CBLB: variants seen among roughly 807,000 people sequenced by gnomAD.
CBLB encodes the protein E3 ubiquitin-protein ligase CBL-B.
Under a neutral mutation model 104.9 loss-of-function variants are expected in CBLB, and 31 were observed. The observed-to-expected ratio is 0.30, with a 90% CI of 0.22 to 0.40. The LOEUF (loss-of-function observed/expected upper bound fraction) is 0.40, where lower values mean the gene tolerates loss of function less well. CBLB is among the 10% of genes least tolerant of loss of function. The pLI is 1.00. For missense variants in CBLB, 1,062 were observed against 1,214.6 expected, an observed-to-expected ratio of 0.87 and a Z score of 1.87; for synonymous variants, 440 against 422.6, an observed-to-expected ratio of 1.04 and a Z score of -0.51.
intron 18 of CBLB, among the ~76,000 whole-genome samples, chr3:105,662,580 A>G (rs1489291760): frequency 6.6e-6 from 1 of 152,226 alleles, no homozygotes; most frequent in Non-Finnish European, 1.5e-5. Context: ...TGGGTTACCA[A>G]TTTTCTTAAA....
chr3:105,828,184 G>A (rs1347914061), intron 3 of CBLB, among the ~76,000 whole-genome samples: 1 of 151,934 alleles, frequency 6.6e-6, no homozygotes, highest in East Asian at 1.9e-4. Flanking sequence ...CGGGCATGTG[G>A]CTTCCCTTTA....
At chr3:105,738,857 C>T (rs927311976) in intron 7 of CBLB, among the ~76,000 whole-genome samples, 16 of 152,118 alleles carry the variant, frequency 1.1e-4, no homozygotes, top group African/African-American at 3.9e-4. Context: ...GGTACCATAA[C>T]TTGCCATACA....
intron 10 of CBLB, among the ~76,000 whole-genome samples, chr3:105,719,664 A>C (rs1438045651): frequency 6.6e-6 from 1 of 152,228 alleles, no homozygotes; most frequent in Non-Finnish European, 1.5e-5. Context: ...GATAATGATA[A>C]TAAATGAATG....
rs116564819 is a variant in CBLB, at chr3:105,745,937, T to C, written c.825A>G (p.Lys275=). 602 of 1,612,224 alleles carry C rather than the reference T, an allele frequency of 3.7e-4. 2 individuals carry two copies. The African/African-American group carries it at 7.2e-3, about 19-fold the overall frequency. The stretch of plus-strand genomic sequence containing the variant: ...CTTACCTTCCGGGTTTGGTGCTATA[T>C]TTCTGTAGTCGTGCTTTAACTTCAT... ...TYDEVKARLQ[K]YSTKPGSYIF... Residue 275 remains lysine, a synonymous_variant, in exon 6 of 19, where the codon AAA becomes AAG. Coordinates refer to ENST00000394030, the MANE Select transcript of CBLB (RefSeq NM_170662.5).
intron 14 of CBLB, among the ~76,000 whole-genome samples, chr3:105,682,888 G>T (rs866077184): frequency 6.6e-6 from 1 of 152,160 alleles, no homozygotes; most frequent in Admixed American, 6.5e-5. Context: ...AGGAAGAGAA[G>T]ATAAGGAGCA....
chr3:105,796,089 T>A (rs2083759), intron 3 of CBLB, among the ~76,000 whole-genome samples: 148,565 of 152,252 alleles, frequency 0.98, 72,599 homozygotes, highest in East Asian at 1. Context: ...TAGAAAAAAA[T>A]CTATTTTAAA....
chr3:105,703,137 C>T (rs1250315265), intron 11 of CBLB, among the ~76,000 whole-genome samples: 9 of 152,018 alleles, frequency 5.9e-5, no homozygotes, highest in East Asian at 3.9e-4. Context: ...GTATGCTTTT[C>T]GTAGCTTTTG....
intron 9 of CBLB, among the ~76,000 whole-genome samples, chr3:105,722,233 AAAAG>A (rs1408148259): frequency 5.3e-5 from 8 of 151,698 alleles, no homozygotes; most frequent in African/African-American, 1.7e-4. Context: ...AGAAAAGAAA[AAAAG>A]AAAGCAAGAT....
At chr3:105,681,000 A>G (rs1344502733) in intron 16 of CBLB, 1 of 160,502 alleles carries the variant, frequency 6.2e-6, no homozygotes, top group Non-Finnish European at 1.4e-5. Flanking sequence ...GATTTTTTTG[A>G]ATGTGTTACA....
upstream of CBLB, chr3:105,869,375 G>C: frequency 7.4e-7 from 1 of 1,342,894 alleles, no homozygotes; most frequent in Non-Finnish European, 9.9e-7. Context: ...GTCGGGACCG[G>C]GAGCCAAAGC....
intron 4 of CBLB, among the ~76,000 whole-genome samples, chr3:105,755,172 T>TC (rs1200906897): frequency 6.6e-6 from 1 of 151,950 alleles, no homozygotes; most frequent in East Asian, 1.9e-4. Context: ...ATGCTATCTC[T>TC]CCCCCCTCCC....
rs2063385287 is a variant in CBLB at position 105,656,878 on chromosome 3, G to A, written c.*2092C>T. The A allele has an allele frequency of 4.8e-6, 1 of 210,460 alleles. No homozygotes were observed. Among genetic ancestry groups the A allele is most frequent in the Non-Finnish European group, 9.6e-6 (1 of 103,774 alleles). The allele number at this position is 210,460 out of a possible 1,614,324, so 13.0% of individuals were successfully genotyped here. A position where few individuals can be genotyped will look rare whatever the true frequency, so the allele number is the denominator to read the frequency against. On this transcript the variant is annotated 3_prime_UTR_variant, in exon 19 of 19. Coordinates refer to ENST00000394030, the MANE Select transcript of CBLB (RefSeq NM_170662.5). The stretch of plus-strand genomic sequence containing the variant: ...CCAAAATAAACAGTGCTATTCCAAG[G>A]TGACATCTGAAACTGTTAAAACAAG...
At chr3:105,856,877 TAA>T (rs917055347) in intron 2 of CBLB, among the ~76,000 whole-genome samples, 1 of 152,156 alleles carries the variant, frequency 6.6e-6, no homozygotes, top group African/African-American at 2.4e-5. Context: ...CCCTAAAGAT[TAA>T]GTCCCAAATA....
rs993287115 is a variant in CBLB, at chr3:105,656,885, C to G, written c.*2085G>C. The stretch of plus-strand genomic sequence containing the variant: ...AAACAGTGCTATTCCAAGGTGACAT[C>G]TGAAACTGTTAAAACAAGTGAAAAA... On this transcript the variant is annotated 3_prime_UTR_variant, in exon 19 of 19. Transcript: ENST00000394030. The G allele has an allele frequency of 9.5e-6, 2 of 211,288 alleles. No homozygotes were observed. The allele number at this position is 211,288 out of a possible 1,614,324, so 13.1% of individuals were successfully genotyped here.
intron 4 of CBLB, among the ~76,000 whole-genome samples, chr3:105,774,003 G>A (rs1201634378): frequency 6.6e-6 from 1 of 152,174 alleles, no homozygotes; most frequent in Non-Finnish European, 1.5e-5. Context: ...TAGTTTGAAT[G>A]CCCCTTCCAA....
chr3:105,758,955 G>A (rs1245299792), intron 4 of CBLB, among the ~76,000 whole-genome samples: 3 of 152,254 alleles, frequency 2.0e-5, no homozygotes, highest in Non-Finnish European at 4.4e-5. Flanking sequence ...GGGCGTGAAG[G>A]GGGTGGAGGG....
chr3:105,850,852 T>C (rs539563926), intron 3 of CBLB, among the ~76,000 whole-genome samples: 2 of 152,266 alleles, frequency 1.3e-5, no homozygotes, highest in South Asian at 4.1e-4. Flanking sequence ...TTGTCTCCAA[T>C]ACCAAATTCT....
At chr3:105,832,978 C>T (rs762937466) in intron 3 of CBLB, among the ~76,000 whole-genome samples, 13 of 151,894 alleles carry the variant, frequency 8.6e-5, no homozygotes, top group East Asian at 3.9e-4. Flanking sequence ...AGTTATGATA[C>T]GAAAGATGTG....
intron 4 of CBLB, among the ~76,000 whole-genome samples, chr3:105,765,063 A>T (rs1286868126): frequency 1.3e-5 from 2 of 152,230 alleles, no homozygotes; most frequent in African/African-American, 4.8e-5. Context: ...TGCAAGGTGA[A>T]GCACCAAGTG....
Sources: gnomAD v4.1 joint callset for allele counts (sites outside exome capture counted in the v4.1 genomes callset) on GRCh38, gnomAD v4.1.1 for gene constraint, MANE v1.5 for transcripts, NCBI Gene and HGNC (gene_info 2026-07-23, HGNC 2026-07-21) for gene names.